The following GATA5 variants were observed in gnomAD, a reference collection of about 807,000 sequenced individuals.
The protein encoded by GATA5 is transcription factor GATA-5.
Under a neutral mutation model 35.0 loss-of-function variants are expected in GATA5, and 27 were observed. That is an observed-to-expected ratio of 0.77 (90% CI 0.57 to 1.06). The LOEUF (loss-of-function observed/expected upper bound fraction) is 1.06. GATA5 is among the 50% of genes least tolerant of loss of function. The pLI, the probability that GATA5 is intolerant of heterozygous loss-of-function variation, is 0.00. For missense variants in GATA5, 612 were observed against 580.0 expected, an observed-to-expected ratio of 1.06 and a Z score of -0.57; for synonymous variants, 306 against 267.8, an observed-to-expected ratio of 1.14 and a Z score of -1.39.
At chr20:62,466,374 G>A (rs113040718) in intron 4 of GATA5, 52 bp downstream of exon 4, 138 of 1,524,360 alleles carry the variant, frequency 9.1e-5, no homozygotes, top group Non-Finnish European at 1.1e-4. Flanking sequence ...GACGGCGCTC[G>A]CTAGGAGGCT....
At position 62,464,857 on chromosome 20, in the gene GATA5, C is replaced by A. The variant is rs782759156; in HGVS notation, c.1173G>T (p.Trp391Cys). 7 of 1,607,728 alleles carry A rather than the reference C, an allele frequency of 4.4e-6. No homozygotes were observed. The highest frequency in any genetic ancestry group is 1.7e-5 in the Admixed American group (1 of 59,524). The change falls in exon 7 of 7, where the codon TGG becomes TGT. Residue 391 changes from tryptophan (W) to cysteine (C), a missense_variant. Transcript: ENST00000252997. ...GGACCTAGGCCAAGGCCAGCGCACA[C>A]CAGGCCTCTTGGCGCAGAGCCCCCC... Reference protein sequence around the residue: ...GLRGALRQEAWCALALA With the variant: ...GLRGALRQEACCALALA
At position 62,473,511 on chromosome 20, in the gene GATA5, T is replaced by C. The variant is rs1989773926; in HGVS notation, c.591A>G (p.Thr197=). Residue 197 remains threonine, a synonymous_variant, in exon 3 of 7, where the codon ACA becomes ACG. Coordinates refer to ENST00000252997, the MANE Select transcript of GATA5 (RefSeq NM_080473.5). Reference sequence around the variant, plus strand: ...CGGTGCCGTCTCGGCGCCACAGCGGTGTGGACAGGGCCCCGCAGTTGACAC... The same window carrying C: ...CGGTGCCGTCTCGGCGCCACAGCGGCGTGGACAGGGCCCCGCAGTTGACAC... The part of the protein sequence containing the change: ...RECVNCGALS[T]PLWRRDGTGH... The C allele has an allele frequency of 1.2e-6, 2 of 1,608,962 alleles. No individual in the cohort carries two copies. Among genetic ancestry groups the C allele is most frequent in the Non-Finnish European group, 1.7e-6 (2 of 1,178,292 alleles).
At chr20:62,472,039 C>T (rs1231720100) in intron 3 of GATA5, among the ~76,000 whole-genome samples, 2 of 152,070 alleles carry the variant, frequency 1.3e-5, no homozygotes, top group Non-Finnish European at 2.9e-5. Context: ...AGCCACCGTG[C>T]CTGGCCCCTA....
chr20:62,465,785 G>A (rs1484170195), intron 5 of GATA5, 49 bp downstream of exon 5: 12 of 1,425,256 alleles, frequency 8.4e-6, no homozygotes, highest in African/African-American at 1.4e-5. Flanking sequence ...TGGAGGCACC[G>A]AAGGCCACTC....
intron 1 of GATA5, among the ~76,000 whole-genome samples, 155 bp downstream of exon 1, chr20:62,475,775 G>C (rs1324094943): frequency 6.6e-6 from 1 of 152,088 alleles, no homozygotes; most frequent in South Asian, 2.1e-4. Context: ...CCCCGACCGG[G>C]CTTCGGAGGT....
chr20:62,473,530 T>C lies in GATA5; in HGVS notation c.572A>G (p.Asn191Ser). Residue 191 changes from asparagine to serine, a missense_variant, in exon 3 of 7, where the codon AAC becomes AGC. Coordinates refer to ENST00000252997, the MANE Select transcript of GATA5 (RefSeq NM_080473.5). ...CAGCGGTGTGGACAGGGCCCCGCAG[T>C]TGACACACTCACGACCCTCACCCGG... ...EFPGEGRECV[N>S]CGALSTPLWR... 6.2e-7 allele frequency: 1 copy of C among 1,607,580 alleles called. No individual in the cohort carries two copies. Among genetic ancestry groups the C allele is most frequent in the Non-Finnish European group, 8.5e-7 (1 of 1,177,584 alleles).
rs1555895728 is a variant in GATA5 at position 62,464,139 on chromosome 20, G to C, written c.*697C>G. 1 of 152,302 alleles carries C rather than the reference G, an allele frequency of 6.6e-6. No homozygotes were observed. Among genetic ancestry groups the C allele is most frequent in the Non-Finnish European group, 1.5e-5 (1 of 68,100 alleles). The allele number at this position is 152,302 out of a possible 1,614,324, so 9.4% of individuals were successfully genotyped here. ...GAAATGGTCATGATACACAGATTCA[G>C]CTAGAACAAGGCCCTTTCCCATCCC... On this transcript the variant is annotated 3_prime_UTR_variant, in exon 7 of 7. Coordinates refer to ENST00000252997, the MANE Select transcript of GATA5 (RefSeq NM_080473.5).
rs199837972 is a variant in GATA5 at position 62,465,290 on chromosome 20, A to G, written c.1038+50T>C. 4.5e-6 allele frequency: 7 copies of G among 1,544,118 alleles called. No homozygotes were observed. The Admixed American group carries it at 1.3e-4, about 29-fold the overall frequency. On this transcript the variant is annotated intron_variant, in intron 6 of 6. Coordinates refer to ENST00000252997, the MANE Select transcript of GATA5 (RefSeq NM_080473.5). The stretch of plus-strand genomic sequence containing the variant: ...CTGATGGGATCTGACTTGGCGGAGG[A>G]AGCACAGGGGCCCCAGCTCTGGGCA...
chr20:62,475,834 C>T (rs1989849071), intron 1 of GATA5, 96 bp downstream of exon 1: 1 of 237,114 alleles, frequency 4.2e-6, no homozygotes, highest in African/African-American at 2.2e-5. Context: ...CCTGGCGCGG[C>T]CGCAGGACGC....
intron 3 of GATA5, 150 bp from the exon 4 acceptor site, chr20:62,466,701 C>T (rs1989601693): frequency 1.1e-6 from 1 of 870,204 alleles, no homozygotes; most frequent in Non-Finnish European, 1.7e-6. Context: ...GGCAGCTCTG[C>T]CTGGACACGC....
rs1039395299 is a variant in GATA5 at position 62,470,041 on chromosome 20, C to T, written c.699+3362G>A. Reference sequence around the variant, plus strand: ...CACCCTGCCCCCCAGGCCTCTCTCCCGGCTGCATTTCGTTTTTCTTTTTTG... The same window carrying T: ...CACCCTGCCCCCCAGGCCTCTCTCCTGGCTGCATTTCGTTTTTCTTTTTTG... On this transcript the variant is annotated intron_variant, in intron 3 of 6. Transcript: ENST00000252997. The surrounding 1 kb of genome is among the most constrained non-coding windows in gnomAD (Gnocchi z 4.6). Among the ~76,000 whole-genome samples the T allele has an allele frequency of 1.3e-5, 2 of 152,380 alleles. No individual in the cohort carries two copies. Among genetic ancestry groups the T allele is most frequent in the Non-Finnish European group, 1.5e-5 (1 of 68,046 alleles).
rs782809948 is a variant in GATA5 at position 62,465,361 on chromosome 20, A to G, written c.1017T>C (p.Pro339=). Residue 339 remains proline (P), a synonymous_variant, in exon 6 of 7, where the codon CCT becomes CCC. Coordinates refer to ENST00000252997, the MANE Select transcript of GATA5 (RefSeq NM_080473.5). ...TTACCTGGGGGGCCATGCTGGGCCC[A>G]GGGCACACTGGGGACGCCAGGCTGG... ...AKPSLASPVC[P]GPSMAPQASG... 1 of 1,521,080 alleles carries G rather than the reference A, an allele frequency of 6.6e-7. No homozygotes were observed. 94.2% of individuals were successfully genotyped at this position (1,521,080 alleles called of 1,614,324 possible). A position where few individuals can be genotyped will look rare whatever the true frequency, so the allele number is the denominator to read the frequency against.
rs551517843 is a variant in GATA5 at position 62,468,223 on chromosome 20, G to A, written c.700-1672C>T. ...AGACACAGCCAGCCTCGGCTTCCCC[G>A]TCTGTTACAGCCTGCCTCGGTTTCC... On this transcript the variant is annotated intron_variant, in intron 3 of 6. Transcript: ENST00000252997. 5.3e-5 allele frequency among the ~76,000 whole-genome samples: 8 copies of A among 151,640 alleles called. No individual in the cohort carries two copies. The South Asian group carries it at 1.0e-3, about 20-fold the overall frequency.
chr20:62,465,244 TG>T, intron 6 of GATA5, 95 bp downstream of exon 6: 4 of 1,332,034 alleles, frequency 3.0e-6, no homozygotes, highest in Non-Finnish European at 4.0e-6. Flanking sequence ...GCCCACCTGC[TG>T]GAAGAGGCTC....
rs548252627 is a variant in GATA5 at position 62,465,201 on chromosome 20, C to G, written c.1038+139G>C. The G allele has an allele frequency of 2.0e-4, 211 of 1,034,450 alleles. 1 individual carries two copies. In the African/African-American group the frequency reaches 3.2e-3, roughly 16 times the overall value. The allele number at this position is 1,034,450 out of a possible 1,614,324, so 64.1% of individuals were successfully genotyped here. On this transcript the variant is annotated intron_variant, in intron 6 of 6. Transcript: ENST00000252997. ...GAGCCAGCTCTAGGGGAAGGGCCAC[C>G]ATACTGATGGCCGAAGGCAGCCGGT...
rs143232693 is a variant in GATA5 at position 62,467,237 on chromosome 20, G to T, written c.700-686C>A. 3.1e-3 allele frequency among the ~76,000 whole-genome samples: 468 copies of T among 152,236 alleles called. 2 individuals are homozygous for T. The highest frequency in any genetic ancestry group is 6.8e-3 in the Middle Eastern group (2 of 294). On this transcript the variant is annotated intron_variant, in intron 3 of 6. Transcript: ENST00000252997. The stretch of plus-strand genomic sequence containing the variant: ...GGGCCCCAGTCCGTGAGCTCAGCTG[G>T]GGCTCAGGAATCTGAACTGAGGGAG...
intron 3 of GATA5, among the ~76,000 whole-genome samples, chr20:62,473,126 C>A (rs1989761670): frequency 3.3e-5 from 5 of 152,238 alleles, no homozygotes; most frequent in Admixed American, 3.3e-4. Flanking sequence ...CACCGTTGCT[C>A]CAGAGCCTGG....
intron 3 of GATA5, among the ~76,000 whole-genome samples, chr20:62,468,572 C>T (rs1989649825): frequency 6.6e-6 from 1 of 152,270 alleles, no homozygotes. Context: ...GGGGCCAGGC[C>T]TCCTGTCTCC....
Position 62,464,581 on chromosome 20 carries a change from G to A in GATA5, c.*255C>T, listed in dbSNP as rs1042753855. The A allele has an allele frequency of 2.9e-5, 11 of 380,046 alleles. No homozygotes were observed. The highest frequency in any genetic ancestry group is 4.7e-5 in the Non-Finnish European group (10 of 214,074). 23.5% of individuals were successfully genotyped at this position (380,046 alleles called of 1,614,324 possible). A position where few individuals can be genotyped will look rare whatever the true frequency, so the allele number is the denominator to read the frequency against. On this transcript the variant is annotated 3_prime_UTR_variant, in exon 7 of 7. Coordinates refer to ENST00000252997, the MANE Select transcript of GATA5 (RefSeq NM_080473.5). ...GGGGGCCAGTGTGGTCCGGAGCCTT[G>A]GGCCGCACCTGGGGAGTCCCTTGCT...
Sources: gnomAD v4.1 joint callset for allele counts (sites outside exome capture counted in the v4.1 genomes callset) on GRCh38, gnomAD v4.1.1 for gene constraint, Gnocchi (gnomAD v3.1) non-coding constraint, MANE v1.5 for transcripts, NCBI Gene and HGNC (gene_info 2026-07-23, HGNC 2026-07-21) for gene names.